The following ZNF362 variants were observed in gnomAD, a reference collection of about 807,000 sequenced individuals.
ZNF362 encodes rotund homolog.
A neutral mutation model predicts 42.9 loss-of-function variants in ZNF362; 11 were observed. That is an observed-to-expected ratio of 0.26 (90% CI 0.16 to 0.42). The LOEUF (loss-of-function observed/expected upper bound fraction) is 0.42. ZNF362 is among the 20% of genes least tolerant of loss of function. The pLI is 1.00. For synonymous variants in ZNF362, 255 were observed against 257.3 expected (o/e 0.99, Z 0.09); for missense variants, 362 against 576.2 (o/e 0.63, Z 3.81).
At chr1:33,287,758 T>C (rs1235031632) in intron 6 of ZNF362, among the ~76,000 whole-genome samples, 6 of 152,246 alleles carry the variant, frequency 3.9e-5, no homozygotes, top group African/African-American at 1.2e-4. Flanking sequence ...CTATTCCTTA[T>C]TAAAGAACTT....
At chr1:33,187,147 A>T in the ZNF362 span, among the ~76,000 whole-genome samples, 1 of 152,200 alleles carries the variant, frequency 6.6e-6, no homozygotes, top group Non-Finnish European at 1.5e-5. Flanking sequence ...TGGGGTATTT[A>T]TACACCATGT....
At chr1:33,223,893 C>CAAAAAAAAA in the ZNF362 span, among the ~76,000 whole-genome samples, 2 of 85,438 alleles carry the variant, frequency 2.3e-5, no homozygotes, top group Non-Finnish European at 2.3e-5. Flanking sequence ...AACTCCATCT[C>CAAAAAAAAA]AAAAAAAAAA....
chr1:33,150,825 CT>C, the ZNF362 span, among the ~76,000 whole-genome samples: 5 of 152,210 alleles, frequency 3.3e-5, no homozygotes, highest in Middle Eastern at 3.4e-3. Context: ...TGGGCCACCC[CT>C]ATGACAGTGG....
chr1:33,147,560 C>T, the ZNF362 span: 2 of 1,614,110 alleles, frequency 1.2e-6, no homozygotes, highest in Non-Finnish European at 8.5e-7. The surrounding 1 kb of genome is among the most constrained non-coding windows in gnomAD (Gnocchi z 8.1). Flanking sequence ...TAGTGGACGC[C>T]ACTACTGAAG....
In ZNF362 at chr1:33,280,049, C is replaced by T; in HGVS notation, c.350-75C>T. The T allele has an allele frequency of 6.7e-7, 1 of 1,487,936 alleles. No individual in the cohort carries two copies. 92.2% of individuals were successfully genotyped at this position (1,487,936 alleles called of 1,614,324 possible). On this transcript the variant is annotated intron_variant, in intron 4 of 8. Coordinates refer to ENST00000539719, the MANE Select transcript of ZNF362 (RefSeq NM_152493.3). The surrounding 1 kb of genome is among the most constrained non-coding windows in gnomAD (Gnocchi z 5.6). ...TAAGGGGATGCTCGCCTGCCAAAAT[C>T]ACATAGCTGGGTGGGCAGCTGAGCT...
chr1:33,161,745 G>A, the ZNF362 span, among the ~76,000 whole-genome samples: 2 of 152,168 alleles, frequency 1.3e-5, no homozygotes, highest in African/African-American at 4.8e-5. The surrounding 1 kb of genome is among the most constrained non-coding windows in gnomAD (Gnocchi z 4.3). Flanking sequence ...GCCCTCCACA[G>A]GCGCCCAGAC....
chr1:33,181,574 G>A, the ZNF362 span: 4 of 1,383,914 alleles, frequency 2.9e-6, no homozygotes, highest in Admixed American at 3.1e-5. The surrounding 1 kb of genome is among the most constrained non-coding windows in gnomAD (Gnocchi z 6.5). Flanking sequence ...AGAAGGGAGG[G>A]GGTGCTGTCC....
the ZNF362 span, among the ~76,000 whole-genome samples, chr1:33,161,545 G>A: frequency 6.6e-6 from 1 of 152,120 alleles, no homozygotes; most frequent in Non-Finnish European, 1.5e-5. The surrounding 1 kb of genome is among the most constrained non-coding windows in gnomAD (Gnocchi z 4.3). Context: ...GCTGGCGGTG[G>A]GCCAGCCTCG....
the ZNF362 span, among the ~76,000 whole-genome samples, chr1:33,223,690 C>T: frequency 6.6e-6 from 1 of 151,992 alleles, no homozygotes; most frequent in East Asian, 1.9e-4. Context: ...GTCAGGAGTT[C>T]AAGATCAGCC....
At chr1:33,261,613 G>C (rs1356243775) in intron 1 of ZNF362, 1 of 152,180 alleles carries the variant, frequency 6.6e-6, no homozygotes, top group Non-Finnish European at 1.5e-5. Flanking sequence ...AGGGTAATTG[G>C]TCAGGCTTGG....
At chr1:33,153,839 T>C in the ZNF362 span, among the ~76,000 whole-genome samples, 1 of 152,254 alleles carries the variant, frequency 6.6e-6, no homozygotes, top group Non-Finnish European at 1.5e-5. Flanking sequence ...CATTTTGTTA[T>C]GCATTTATCG....
At chr1:33,296,824 GTTT>G (rs10595778) in intron 8 of ZNF362, among the ~76,000 whole-genome samples, 42 of 135,502 alleles carry the variant, frequency 3.1e-4, no homozygotes, top group Non-Finnish European at 4.6e-4. Flanking sequence ...GTCAGGAAGG[GTTT>G]TTTTTTTTTT....
At chr1:33,174,905 G>A in the ZNF362 span, among the ~76,000 whole-genome samples, 139,440 of 147,384 alleles carry the variant, frequency 0.95, 65,870 homozygotes, top group East Asian at 0.99. Context: ...GTGTGTGTGT[G>A]TATATATATA....
At chr1:33,286,144 A>G (rs915873830) in intron 6 of ZNF362, among the ~76,000 whole-genome samples, 2 of 152,210 alleles carry the variant, frequency 1.3e-5, no homozygotes, top group Non-Finnish European at 2.9e-5. Flanking sequence ...TTGTAAAACA[A>G]GGGAGCAAAT....
chr1:33,174,968 TACACAC>T, the ZNF362 span, among the ~76,000 whole-genome samples: 2 of 124,942 alleles, frequency 1.6e-5, no homozygotes, highest in East Asian at 4.2e-4. Flanking sequence ...TATATATATA[TACACAC>T]ATATACATAT....
chr1:33,296,321 C>T (rs1365946480), intron 8 of ZNF362, among the ~76,000 whole-genome samples: 1 of 152,110 alleles, frequency 6.6e-6, no homozygotes, highest in African/African-American at 2.4e-5. Context: ...AGGGATGACA[C>T]AGAGGGGCTG....
intron 6 of ZNF362, among the ~76,000 whole-genome samples, chr1:33,285,291 G>A (rs1156251675): frequency 6.6e-6 from 1 of 152,094 alleles, no homozygotes; most frequent in African/African-American, 2.4e-5. Context: ...GTGCATGCCT[G>A]TAGTCCCATC....
chr1:33,183,118 G>T, the ZNF362 span, among the ~76,000 whole-genome samples: 3 of 152,304 alleles, frequency 2.0e-5, no homozygotes, highest in Non-Finnish European at 1.5e-5. Flanking sequence ...CATCGTGCCT[G>T]CAGGAGGTGA....
chr1:33,153,341 C>CA, the ZNF362 span, among the ~76,000 whole-genome samples: 4 of 152,226 alleles, frequency 2.6e-5, no homozygotes, highest in Non-Finnish European at 5.9e-5. Flanking sequence ...TGTTGGAGCA[C>CA]AGTCTGTTCC....
Sources: allele counts gnomAD v4.1 joint callset (sites outside exome capture counted in the v4.1 genomes callset), GRCh38; gene constraint gnomAD v4.1.1; non-coding constraint Gnocchi (gnomAD v3.1); transcripts MANE v1.5; gene names NCBI Gene and HGNC (gene_info 2026-07-23, HGNC 2026-07-21).